The following TSPAN9 variants were observed in gnomAD, a reference collection of about 807,000 sequenced individuals.
TSPAN9 encodes the protein tetraspanin-9.
A neutral mutation model predicts 31.0 loss-of-function variants in TSPAN9; 16 were observed. The ratio of observed to expected loss-of-function variants is 0.52; its 90% CI spans 0.35 to 0.78. The LOEUF is 0.78. Among genes scored for constraint, TSPAN9 ranks in the 30% least tolerant of loss-of-function variants. The pLI is 0.01. For synonymous variants in TSPAN9, 145 were observed against 121.6 expected (o/e 1.19, Z -1.27); for missense variants, 272 against 312.5 (o/e 0.87, Z 0.98).
intron 3 of TSPAN9, among the ~76,000 whole-genome samples, chr12:3,243,691 G>C (rs756451011): frequency 1.3e-5 from 2 of 152,114 alleles, no homozygotes; most frequent in East Asian, 3.9e-4. Flanking sequence ...GGGTGACAGC[G>C]TAGGGGTTGA....
At position 3,147,438 on chromosome 12, in the gene TSPAN9, G is replaced by C. The variant is rs117085390; in HGVS notation, c.-17-53739G>C. Among the ~76,000 whole-genome samples the C allele has an allele frequency of 7.2e-3, 1,098 of 152,298 alleles. 21 individuals carry two copies. The highest frequency in any genetic ancestry group is 0.062 in the East Asian group (319 of 5,176). On this transcript the variant is annotated intron_variant, in intron 2 of 8. Transcript: ENST00000011898. The surrounding 1 kb of genome is among the most constrained non-coding windows in gnomAD (Gnocchi z 4.3). ...GTGGGCATGCTGCAGCCTGAGTCCT[G>C]GTGGCATCTCCACCGACGCGACGGG...
At chr12:3,188,569 G>T (rs1325386766) in intron 2 of TSPAN9, among the ~76,000 whole-genome samples, 2 of 152,202 alleles carry the variant, frequency 1.3e-5, no homozygotes, top group Non-Finnish European at 1.5e-5. Context: ...GCAGCAGTGT[G>T]GGGGAGGGGA....
At chr12:3,084,723 G>C (rs570869578) in intron 2 of TSPAN9, among the ~76,000 whole-genome samples, 2 of 152,332 alleles carry the variant, frequency 1.3e-5, no homozygotes, top group Non-Finnish European at 2.9e-5. Context: ...CTTTCACAAA[G>C]GCCCCGTGGG....
intron 3 of TSPAN9, among the ~76,000 whole-genome samples, chr12:3,243,982 C>CA (rs1397595562): frequency 6.6e-6 from 1 of 152,206 alleles, no homozygotes; most frequent in Non-Finnish European, 1.5e-5. Flanking sequence ...TCTTGGCAGT[C>CA]AGTCATAAGT....
Position 3,278,471 on chromosome 12 carries a change from A to G in TSPAN9, c.114A>G (p.Gln38=), listed in dbSNP as rs758123343. ...TGGGCATCTGGCTCTCCGTGTCCCA[A>G]GGCAACTTTGCCACCTTCTCCCCCA... ...LGVGIWLSVS[Q]GNFATFSPSF... is the part of the protein sequence containing the mutation. The change falls in exon 4 of 9, where the codon CAA becomes CAG. Residue 38 remains glutamine, a synonymous_variant. Transcript: ENST00000011898. 3.1e-5 allele frequency: 50 copies of G among 1,614,048 alleles called. 1 individual carries two copies. The South Asian group carries it at 4.9e-4, about 16-fold the overall frequency.
chr12:3,241,907 C>A (rs1403056718), intron 3 of TSPAN9, among the ~76,000 whole-genome samples: 1 of 152,246 alleles, frequency 6.6e-6, no homozygotes, highest in Non-Finnish European at 1.5e-5. Flanking sequence ...ACCGTCTCTG[C>A]CATGCAGCTG....
intron 2 of TSPAN9, chr12:3,173,156 A>T (rs2098353016): frequency 6.6e-6 from 1 of 152,522 alleles, no homozygotes; most frequent in Admixed American, 6.5e-5. Context: ...TGTGCCTGGC[A>T]TGTGGAGGGT....
intron 2 of TSPAN9, among the ~76,000 whole-genome samples, chr12:3,116,802 G>A (rs1246769751): frequency 6.6e-6 from 1 of 152,196 alleles, no homozygotes; most frequent in Non-Finnish European, 1.5e-5. Context: ...TTTGACAACA[G>A]AACCCCTCTG....
At position 3,193,270 on chromosome 12, in the gene TSPAN9, C is replaced by T. The variant is rs555441189; in HGVS notation, c.-17-7907C>T. 5.9e-5 allele frequency among the ~76,000 whole-genome samples: 9 copies of T among 152,258 alleles called. No homozygotes were observed. In the South Asian group the frequency reaches 1.5e-3, roughly 25 times the overall value. ...TCTGAGCCCAGCTGACCCACAGTAACCAGGGCATGTGGTGTGAGCCGATTT... is the reference window on the plus strand; with the variant it reads ...TCTGAGCCCAGCTGACCCACAGTAATCAGGGCATGTGGTGTGAGCCGATTT... On this transcript the variant is annotated intron_variant, in intron 2 of 8. Transcript: ENST00000011898.
chr12:3,158,542 T>G (rs1169159420), intron 2 of TSPAN9, among the ~76,000 whole-genome samples: 4 of 151,918 alleles, frequency 2.6e-5, no homozygotes, highest in Non-Finnish European at 4.4e-5. Flanking sequence ...GCCAGCATGG[T>G]GAAATCCCAT....
chr12:3,228,020 G>A (rs1046662195), intron 3 of TSPAN9, among the ~76,000 whole-genome samples: 3 of 152,192 alleles, frequency 2.0e-5, no homozygotes, highest in Non-Finnish European at 4.4e-5. Context: ...CAATTACTAT[G>A]TACCAGGCAC....
intron 3 of TSPAN9, among the ~76,000 whole-genome samples, chr12:3,216,123 G>GCCACCCCATCC (rs1291902756): frequency 2.0e-5 from 3 of 152,184 alleles, no homozygotes; most frequent in Non-Finnish European, 4.4e-5. Flanking sequence ...CATGCTCAGA[G>GCCACCCCATCC]CCACCCCATC....
chr12:3,255,435 C>T (rs1237847182), intron 3 of TSPAN9, among the ~76,000 whole-genome samples: 3 of 152,310 alleles, frequency 2.0e-5, no homozygotes, highest in South Asian at 2.1e-4. Context: ...GGAAACGGGC[C>T]GAGCCCAACC....
At chr12:3,218,804 A>G (rs1430347716) in intron 3 of TSPAN9, among the ~76,000 whole-genome samples, 4 of 152,178 alleles carry the variant, frequency 2.6e-5, no homozygotes, top group East Asian at 1.9e-4. Flanking sequence ...TCCGCTGCCA[A>G]TAACAAATGC....
At chr12:3,272,097 G>A (rs1370290210) in intron 3 of TSPAN9, among the ~76,000 whole-genome samples, 1 of 152,216 alleles carries the variant, frequency 6.6e-6, no homozygotes, top group African/African-American at 2.4e-5. Flanking sequence ...AAAATTTCCT[G>A]CAAGCAAAAA....
intron 1 of TSPAN9, among the ~76,000 whole-genome samples, chr12:3,078,517 G>A (rs758217232): frequency 6.6e-6 from 1 of 152,200 alleles, no homozygotes; most frequent in South Asian, 2.1e-4. Context: ...GCCATCATAA[G>A]TAATGGGGAG....
chr12:3,098,393 C>T (rs1210756285), intron 2 of TSPAN9, among the ~76,000 whole-genome samples: 2 of 152,310 alleles, frequency 1.3e-5, no homozygotes, highest in South Asian at 2.1e-4. Context: ...GTGTTACACT[C>T]GGATCCCAGA....
rs531185359 is a variant in TSPAN9 at position 3,143,483 on chromosome 12, A to G, written c.-17-57694A>G. On this transcript the variant is annotated intron_variant, in intron 2 of 8. Coordinates refer to ENST00000011898, the MANE Select transcript of TSPAN9 (RefSeq NM_006675.5). This position sits in a 1 kb window ranked among gnomAD's most constrained non-coding sequence, Gnocchi z 4.2. ...ATTTCTTCTGCATTTATTAATTGGA[A>G]TTCTCCAAGAAGGAAGAGCTATTTC... is the stretch of plus-strand genomic sequence containing the variant. 7.2e-5 allele frequency among the ~76,000 whole-genome samples: 11 copies of G among 151,990 alleles called. No individual in the cohort carries two copies. The East Asian group carries it at 2.1e-3, about 29-fold the overall frequency.
intron 3 of TSPAN9, among the ~76,000 whole-genome samples, chr12:3,215,511 A>G (rs2098380935): frequency 6.6e-6 from 1 of 151,994 alleles, no homozygotes; most frequent in African/African-American, 2.4e-5. Flanking sequence ...TCTTTTCATG[A>G]CTTCCTGTTG....
Sources: allele counts gnomAD v4.1 joint callset (sites outside exome capture counted in the v4.1 genomes callset), GRCh38; gene constraint gnomAD v4.1.1; non-coding constraint Gnocchi (gnomAD v3.1); transcripts MANE v1.5; gene names NCBI Gene and HGNC (gene_info 2026-07-23, HGNC 2026-07-21).